The following ZNF263 variants were observed in gnomAD, a reference collection of about 807,000 sequenced individuals.
ZNF263 encodes zinc finger protein 263.
In ZNF263, 49 loss-of-function variants were observed where a neutral mutation model predicts 63.1. The ratio of observed to expected loss-of-function variants is 0.78; its 90% CI spans 0.62 to 0.99. The LOEUF (loss-of-function observed/expected upper bound fraction) is 0.99. ZNF263 is among the 50% of genes least tolerant of loss of function. The pLI is 0.00. For missense variants in ZNF263, 872 were observed against 854.8 expected (o/e 1.02, Z -0.25); for synonymous variants, 352 against 324.2 (o/e 1.09, Z -0.92).
Position 3,285,996 on chromosome 16 carries a change from GC to G in ZNF263, c.643-26del, listed in dbSNP as rs1555461805. The G allele has an allele frequency of 5.0e-6, 8 of 1,613,966 alleles. No homozygotes were observed. The African/African-American group carries it at 1.1e-4, about 22-fold the overall frequency. On this transcript the variant is annotated intron_variant, in intron 3 of 5. Coordinates refer to ENST00000219069, the MANE Select transcript of ZNF263 (RefSeq NM_005741.5). ...TTGAATTGTTCTTGGTGCATCAGGGGCTAAAGGAGATCTTGTGCTGTTTCAG... is the reference window on the plus strand; with the variant it reads ...TTGAATTGTTCTTGGTGCATCAGGGGTAAAGGAGATCTTGTGCTGTTTCAG...
chr16:3,294,836 G>A (rs77858966), downstream of ZNF263, among the ~76,000 whole-genome samples: 423 of 152,308 alleles, frequency 2.8e-3, 18 homozygotes, highest in East Asian at 0.079. Context: ...GTGCTCCAAG[G>A]AGAGTAGTAT....
downstream of ZNF263, among the ~76,000 whole-genome samples, chr16:3,294,996 G>C (rs527594661): frequency 3.9e-5 from 6 of 152,288 alleles, no homozygotes; most frequent in Non-Finnish European, 8.8e-5. Context: ...CTGCCCTTGA[G>C]GGAGTTCTCG....
Position 3,290,120 on chromosome 16 carries a change from A to G in ZNF263, c.1614A>G (p.Arg538=). 6.2e-7 allele frequency: 1 copy of G among 1,614,112 alleles called. No homozygotes were observed. Residue 538 remains arginine (R), a synonymous_variant, in exon 6 of 6, where the codon AGA becomes AGG. Transcript: ENST00000219069. ...SRSSHLVIHE[R]THERERLYPF... is the part of the protein sequence containing the mutation. ...GTTCACACCTCGTCATTCACGAAAGAACTCATGAGAGAGAGAGACTTTACC... is the reference window on the plus strand; with the variant it reads ...GTTCACACCTCGTCATTCACGAAAGGACTCATGAGAGAGAGAGACTTTACC...
intron 3 of ZNF263, 130 bp from the exon 4 acceptor site, chr16:3,285,893 T>TG (rs1334433295): frequency 1.3e-6 from 2 of 1,551,556 alleles, no homozygotes; most frequent in Non-Finnish European, 1.8e-6. Context: ...ACACCTCACT[T>TG]GGAGGCCTGA....
chr16:3,290,337 A>G lies in ZNF263; in HGVS notation c.1831A>G (p.Asn611Asp), dbSNP rs773229074. The G allele has an allele frequency of 1.2e-6, 2 of 1,613,776 alleles. No homozygotes were observed. The highest frequency in any genetic ancestry group is 1.7e-6 in the Non-Finnish European group (2 of 1,179,908). ...GTATAAATGTACCCTTTGTGGGGAA[A>G]ACTTCTCTCATAGATCCAATTTAAT... ...KPYKCTLCGE[N>D]FSHRSNLIRH... The change falls in exon 6 of 6, where the codon AAC (asparagine) becomes GAC (aspartate). Residue 611 changes from asparagine to aspartate, a missense_variant. By Grantham distance (23) the Asn-to-Asp change is conservative (BLOSUM62 1). Transcript: ENST00000219069.
At chr16:3,292,975 T>G (rs1238589261), downstream of ZNF263, 3 of 152,256 alleles carry the variant, frequency 2.0e-5, no homozygotes, top group African/African-American at 4.8e-5. Flanking sequence ...CTGAGGTCAC[T>G]GAAGACCACA....
intron 2 of ZNF263, chr16:3,299,419 C>A (rs1385066411): frequency 6.4e-7 from 1 of 1,558,304 alleles, no homozygotes; most frequent in South Asian, 1.2e-5. Context: ...AAGATTTTCC[C>A]ATGCATTTGC....
chr16:3,285,287 G>T, intron 2 of ZNF263, 48 bp downstream of exon 2: 3 of 1,556,938 alleles, frequency 1.9e-6, no homozygotes, highest in Non-Finnish European at 2.6e-6. Context: ...GGGCTTGGGG[G>T]TTGCCCCCGA....
intron 1 of ZNF263, 102 bp from the exon 2 acceptor site, chr16:3,284,957 C>A: frequency 1.4e-6 from 2 of 1,412,346 alleles, no homozygotes; most frequent in Non-Finnish European, 9.7e-7. Flanking sequence ...CCAAAGGGAT[C>A]GCCTGAGGTT....
chr16:3,290,496 T>C lies in ZNF263; in HGVS notation c.1990T>C (p.Cys664Arg), dbSNP rs1458881780. The change falls in exon 6 of 6, where the codon TGT (cysteine) becomes CGT (arginine). Residue 664 changes from cysteine (C) to arginine (R), a missense_variant. Cys to Arg is a radical substitution (Grantham distance 180, BLOSUM62 -3). Transcript: ENST00000219069. ...TGERPYKCSE[C>R]GESFSRSSRL... ...AGAGAGACCCTATAAATGTTCTGAA[T>C]GTGGAGAAAGCTTCTCTCGGAGTTC... is the stretch of plus-strand genomic sequence containing the variant. 1 of 1,613,906 alleles carries C rather than the reference T, an allele frequency of 6.2e-7. No homozygotes were observed. Among genetic ancestry groups the C allele is most frequent in the Non-Finnish European group, 8.5e-7 (1 of 1,180,006 alleles).
At chr16:3,285,943 A>C in intron 3 of ZNF263, 80 bp from the exon 4 acceptor site, 1 of 1,609,706 alleles carries the variant, frequency 6.2e-7, no homozygotes, top group Non-Finnish European at 8.5e-7. Context: ...GCATCCCTGG[A>C]TTTTGCCCCT....
chr16:3,288,382 G>T, intron 4 of ZNF263, 72 bp from the exon 5 acceptor site: 2 of 1,113,838 alleles, frequency 1.8e-6, no homozygotes, highest in Non-Finnish European at 1.4e-6. Flanking sequence ...TGAGGGCAGG[G>T]AACAAGACTG....
In ZNF263 at chr16:3,283,549, CTA is replaced by C. The variant is rs76789966; in HGVS notation, c.-265_-264del. ...GAGGTCTGAGTCTTGCGTGGGTCCTCTATATAGGGTGAGAAGCGTGGCGCTCG... is the reference window on the plus strand; with the variant it reads ...GAGGTCTGAGTCTTGCGTGGGTCCTCTATAGGGTGAGAAGCGTGGCGCTCG... On this transcript the variant is annotated 5_prime_UTR_variant, in exon 1 of 6. Transcript: ENST00000219069. 96,888 of 342,872 alleles carry C rather than the reference CTA, an allele frequency of 0.28. 16,148 individuals are homozygous for C. The highest frequency in any genetic ancestry group is 0.51 in the African/African-American group (24,138 of 47,038). The allele number at this position is 342,872 out of a possible 1,614,324, so 21.2% of individuals were successfully genotyped here.
intron 1 of ZNF263, among the ~76,000 whole-genome samples, chr16:3,298,170 C>T (rs553212373): frequency 6.6e-6 from 1 of 152,232 alleles, no homozygotes; most frequent in African/African-American, 2.4e-5. Context: ...GAAATAGTGC[C>T]GTATGATGGT....
In ZNF263 at chr16:3,290,869, C is replaced by T. The variant is rs892869222; in HGVS notation, c.*311C>T. On this transcript the variant is annotated 3_prime_UTR_variant, in exon 6 of 6. Coordinates refer to ENST00000219069, the MANE Select transcript of ZNF263 (RefSeq NM_005741.5). ...GCCAAGGTGCGATTTGGGCACCTGACTGTCCAGTTTACCTTAACAAGTTTG... is the reference window on the plus strand; with the variant it reads ...GCCAAGGTGCGATTTGGGCACCTGATTGTCCAGTTTACCTTAACAAGTTTG... The T allele has an allele frequency of 9.1e-7, 1 of 1,096,582 alleles. No individual in the cohort carries two copies. The highest frequency in any genetic ancestry group is 1.6e-5 in the African/African-American group (1 of 61,510). 67.9% of individuals were successfully genotyped at this position (1,096,582 alleles called of 1,614,324 possible).
rs374659542 is a variant in ZNF263 at position 3,289,933 on chromosome 16, A to G, written c.1427A>G (p.Asn476Ser). 4.3e-6 allele frequency: 7 copies of G among 1,613,928 alleles called. No individual in the cohort carries two copies. The highest frequency in any genetic ancestry group is 1.1e-5 in the South Asian group (1 of 91,088). ...GGAAAATGTTTCTCCTGCAACTCCAACCTCCACAGGCACCAGAGAACGCAC... is the reference window on the plus strand; with the variant it reads ...GGAAAATGTTTCTCCTGCAACTCCAGCCTCCACAGGCACCAGAGAACGCAC... The part of the protein sequence containing the change: ...ICGKCFSCNS[N>S]LHRHQRTHTG... Residue 476 changes from asparagine to serine, a missense_variant, in exon 6 of 6, where the codon AAC becomes AGC. Coordinates refer to ENST00000219069, the MANE Select transcript of ZNF263 (RefSeq NM_005741.5).
chr16:3,283,679 C>T lies in ZNF263; in HGVS notation c.-140C>T, dbSNP rs1567248146. The stretch of plus-strand genomic sequence containing the variant: ...GGCGCCGGAGCCGGCCGCGCCTGGG[C>T]TGGAGCGGGGCTCCTCGGCCTGGAC... On this transcript the variant is annotated 5_prime_UTR_variant, in exon 1 of 6. Transcript: ENST00000219069. 13 of 1,310,064 alleles carry T rather than the reference C, an allele frequency of 9.9e-6. No individual in the cohort carries two copies. The South Asian group carries it at 2.9e-4, about 29-fold the overall frequency. 81.2% of individuals were successfully genotyped at this position (1,310,064 alleles called of 1,614,324 possible). A position where few individuals can be genotyped will look rare whatever the true frequency, so the allele number is the denominator to read the frequency against.
In ZNF263 at chr16:3,290,612, G is replaced by A; in HGVS notation, c.*54G>A. ...TGAGGTGGCATATTCAGAGGAGCCT[G>A]TTGGCAAGAGCTGGTATTCCCTGCC... On this transcript the variant is annotated 3_prime_UTR_variant, in exon 6 of 6. Coordinates refer to ENST00000219069, the MANE Select transcript of ZNF263 (RefSeq NM_005741.5). 1 of 1,533,470 alleles carries A rather than the reference G, an allele frequency of 6.5e-7. No individual in the cohort carries two copies. Among genetic ancestry groups the A allele is most frequent in the Non-Finnish European group, 8.7e-7 (1 of 1,146,446 alleles). 95.0% of individuals were successfully genotyped at this position (1,533,470 alleles called of 1,614,324 possible). A position where few individuals can be genotyped will look rare whatever the true frequency, so the allele number is the denominator to read the frequency against.
At position 3,289,975 on chromosome 16, in the gene ZNF263, A is replaced by G. The variant is rs1373249336; in HGVS notation, c.1469A>G (p.Tyr490Cys). The change falls in exon 6 of 6, where the codon TAC (tyrosine) becomes TGC (cysteine). Residue 490 changes from tyrosine (Y) to cysteine (C), a missense_variant. Physicochemically the swap from Tyr to Cys is radical, Grantham distance 194. Transcript: ENST00000219069. ...AGAACGCACACTGGGGAGAAGCCCT[A>G]CAAGTGCCCTGAGTGTGGGGAGATC... ...HQRTHTGEKP[Y>C]KCPECGEIFA... 6.2e-7 allele frequency: 1 copy of G among 1,614,178 alleles called. No individual in the cohort carries two copies.
Sources: allele counts gnomAD v4.1 joint callset (sites outside exome capture counted in the v4.1 genomes callset), GRCh38; gene constraint gnomAD v4.1.1; transcripts MANE v1.5; gene names NCBI Gene and HGNC (gene_info 2026-07-23, HGNC 2026-07-21).